The following SSH2 variants were observed in gnomAD, a reference collection of about 807,000 sequenced individuals.
SSH2 encodes slingshot protein phosphatase 2, also known as protein phosphatase Slingshot homolog 2.
In SSH2, 37 loss-of-function variants were observed where a neutral mutation model predicts 135.2. The observed-to-expected ratio is 0.27, with a 90% CI of 0.21 to 0.36. The LOEUF (loss-of-function observed/expected upper bound fraction) is 0.36, where lower values mean the gene tolerates loss of function less well. Ranked by LOEUF, SSH2 falls within the 10% of genes least tolerant of loss-of-function variation. The pLI is 1.00. For missense variants in SSH2, 1,408 were observed against 1,765.3 expected (o/e 0.80, Z 3.63); for synonymous variants, 628 against 646.2 (o/e 0.97, Z 0.43).
chr17:29,726,047 T>G (rs996927189), intron 3 of SSH2, among the ~76,000 whole-genome samples: 1 of 152,122 alleles, frequency 6.6e-6, no homozygotes, highest in Non-Finnish European at 1.5e-5. Flanking sequence ...CAAGGTGCAC[T>G]GCTGTTTTAG....
chr17:29,672,087 T>C lies in SSH2; in HGVS notation c.657A>G (p.Arg219=), dbSNP rs2037518909. ...QSLHKACEVA[R]AHNYYPGSLF... ...GGCTGCCTGGGTAGTAGTTATGCGC[T>C]CTGGCGACTTCACAAGCCTTGTGTA... Residue 219 remains arginine, a synonymous_variant, in exon 9 of 16, where the codon AGA becomes AGG. Coordinates refer to ENST00000540801, the MANE Select transcript of SSH2 (RefSeq NM_001282129.2). 15 of 1,614,142 alleles carry C rather than the reference T, an allele frequency of 9.3e-6. No homozygotes were observed. Among genetic ancestry groups the C allele is most frequent in the Non-Finnish European group, 1.2e-5 (14 of 1,180,020 alleles).
chr17:29,636,460 T>G lies in SSH2; in HGVS notation c.1770A>C (p.Ser590=), dbSNP rs1489931151. The part of the protein sequence containing the change: ...GCSSGCCLNE[S]KFPLDNCHAS... The stretch of plus-strand genomic sequence containing the variant: ...CATGGCAATTGTCAAGAGGAAATTT[T>G]GATTCATTCAGACAACACCCTGATG... The change falls in exon 15 of 16, where the codon TCA becomes TCC. Residue 590 remains serine (S), a synonymous_variant. Transcript: ENST00000540801. 2.5e-6 allele frequency: 4 copies of G among 1,614,138 alleles called. No homozygotes were observed. In the African/African-American group the frequency reaches 5.3e-5, roughly 22 times the overall value.
intron 1 of SSH2, among the ~76,000 whole-genome samples, chr17:29,869,380 C>T (rs974763723): frequency 2.0e-5 from 3 of 152,160 alleles, no homozygotes; most frequent in Non-Finnish European, 4.4e-5. Flanking sequence ...TGCTGGTGAG[C>T]GGAAGCTCAA....
chr17:29,674,954 T>G (rs1458358253), intron 8 of SSH2, among the ~76,000 whole-genome samples: 1 of 152,224 alleles, frequency 6.6e-6, no homozygotes, highest in East Asian at 1.9e-4. Flanking sequence ...AAAGCTTGAT[T>G]TAAGGTTATT....
At chr17:29,739,968 T>G (rs1052422716) in intron 3 of SSH2, among the ~76,000 whole-genome samples, 2 of 152,212 alleles carry the variant, frequency 1.3e-5, no homozygotes, top group African/African-American at 4.8e-5. Flanking sequence ...TGAGTGGAGC[T>G]GAAAGGCCAA....
At chr17:29,921,524 A>G (rs1435661370) in intron 1 of SSH2, among the ~76,000 whole-genome samples, 1 of 152,194 alleles carries the variant, frequency 6.6e-6, no homozygotes, top group Non-Finnish European at 1.5e-5. Context: ...AACTCAAAAT[A>G]GAAGATTGCT....
chr17:29,836,190 A>T (rs2042941314), intron 2 of SSH2, among the ~76,000 whole-genome samples: 2 of 152,076 alleles, frequency 1.3e-5, no homozygotes, highest in Admixed American at 1.3e-4. Flanking sequence ...TGGAAATCAG[A>T]CTTGAACTTT....
At chr17:29,667,085 T>A (rs777586317) in intron 10 of SSH2, 45 bp downstream of exon 10, 1 of 1,604,678 alleles carries the variant, frequency 6.2e-7, no homozygotes, top group Non-Finnish European at 8.5e-7. Flanking sequence ...CCTACTGTTA[T>A]CCCACTGCTA....
At chr17:29,864,334 A>AATAAATAAATAG (rs369238059) in intron 1 of SSH2, 115 of 150,042 alleles carry the variant, frequency 7.7e-4, no homozygotes, top group East Asian at 6.2e-3. Flanking sequence ...TAAATAAATA[A>AATAAATAAATAG]ATAGATAGAT....
chr17:29,870,030 G>C (rs1457868922), intron 1 of SSH2, among the ~76,000 whole-genome samples: 4 of 151,824 alleles, frequency 2.6e-5, no homozygotes, highest in African/African-American at 9.7e-5. Flanking sequence ...TCCCATCCTA[G>C]CTTTATGTCT....
At chr17:29,844,925 C>G (rs926503971) in intron 2 of SSH2, among the ~76,000 whole-genome samples, 2 of 152,210 alleles carry the variant, frequency 1.3e-5, no homozygotes, top group Non-Finnish European at 2.9e-5. Context: ...CTTCTTCCCA[C>G]ATACTGCATG....
At chr17:29,721,605 C>T (rs548920913) in intron 3 of SSH2, among the ~76,000 whole-genome samples, 1 of 152,298 alleles carries the variant, frequency 6.6e-6, no homozygotes, top group Non-Finnish European at 1.5e-5. Flanking sequence ...CTAGACACCA[C>T]AGGTCCAACC....
At chr17:29,872,142 CT>C (rs1179530514) in intron 1 of SSH2, among the ~76,000 whole-genome samples, 1 of 152,168 alleles carries the variant, frequency 6.6e-6, no homozygotes, top group Non-Finnish European at 1.5e-5. Flanking sequence ...TAAATTGTTT[CT>C]TTTGTATTAT....
At chr17:29,791,111 AG>A (rs1447424848) in intron 3 of SSH2, among the ~76,000 whole-genome samples, 1 of 151,700 alleles carries the variant, frequency 6.6e-6, no homozygotes, top group Non-Finnish European at 1.5e-5. Flanking sequence ...TTTGAGACGG[AG>A]TCTTGCTCTG....
At chr17:29,913,339 A>AT (rs2066802581) in intron 1 of SSH2, among the ~76,000 whole-genome samples, 1 of 51,822 alleles carries the variant, frequency 1.9e-5, no homozygotes, top group Non-Finnish European at 4.1e-5. Context: ...AAAAAAAAAA[A>AT]AAAAAAAAAT....
chr17:29,792,565 T>A (rs2042087857), intron 3 of SSH2, among the ~76,000 whole-genome samples: 1 of 152,200 alleles, frequency 6.6e-6, no homozygotes, highest in Non-Finnish European at 1.5e-5. Context: ...AAACTACCGA[T>A]AATCTCAGTT....
In SSH2 at chr17:29,761,886, TA is replaced by T. The variant is rs200764250; in HGVS notation, c.188+32007del. Among the ~76,000 whole-genome samples the T allele has an allele frequency of 2.9e-3, 313 of 108,178 alleles. 1 individual carries two copies. The highest frequency in any genetic ancestry group is 9.3e-3 in the African/African-American group (280 of 30,084). The allele number at this position is 108,178 out of a possible 152,430, so 71.0% of individuals were successfully genotyped here. ...GTGTGTGTGTGTATATATATATATATATTTTTTTTTGAGATGGAGTTTCTGC... is the reference window on the plus strand; with the variant it reads ...GTGTGTGTGTGTATATATATATATATTTTTTTTTTGAGATGGAGTTTCTGC... On this transcript the variant is annotated intron_variant, in intron 3 of 15. Coordinates refer to ENST00000540801, the MANE Select transcript of SSH2 (RefSeq NM_001282129.2).
intron 2 of SSH2, among the ~76,000 whole-genome samples, chr17:29,805,713 T>C (rs2042333496): frequency 6.6e-6 from 1 of 152,148 alleles, no homozygotes; most frequent in Non-Finnish European, 1.5e-5. Context: ...GCTCTGTAGA[T>C]AACTGATAAG....
chr17:29,773,500 A>G (rs535270404), intron 3 of SSH2, among the ~76,000 whole-genome samples: 2 of 152,286 alleles, frequency 1.3e-5, no homozygotes, highest in East Asian at 1.9e-4. Flanking sequence ...CTGAAGACCA[A>G]TATTCTACAA....
Sources: gnomAD v4.1 joint callset for allele counts (sites outside exome capture counted in the v4.1 genomes callset) on GRCh38, gnomAD v4.1.1 for gene constraint, MANE v1.5 for transcripts, NCBI Gene and HGNC (gene_info 2026-07-23, HGNC 2026-07-21) for gene names.